Variants in ITPRID2 observed in about 807,000 individuals in gnomAD.
ITPRID2 encodes protein ITPRID2.
ITPRID2 carries 60 observed loss-of-function variants against 124.3 expected under a neutral mutation model. The observed-to-expected ratio is 0.48, with a 90% confidence interval of 0.39 to 0.60. The LOEUF (loss-of-function observed/expected upper bound fraction) is 0.60. ITPRID2 is among the 20% of genes least tolerant of loss of function. The pLI is 0.00. For missense variants in ITPRID2, 1,553 were observed against 1,512.2 expected, an observed-to-expected ratio of 1.03 and a Z score of -0.45; for synonymous variants, 521 against 542.9, an observed-to-expected ratio of 0.96 and a Z score of 0.56.
rs1693471095 is a variant in ITPRID2, at chr2:181,909,958, G to GAAGTCGAAAAGAGGT, written c.1478_1486+6dup. ...CAGCCACTTACCAGCTAGGTCTTAC[G>GAAGTCGAAAAGAGGT]AAGTCGAAAAGAGGTAAGTGGACCA... On this transcript the variant is annotated inframe_insertion, in exon 9 of 18. Coordinates refer to ENST00000431877, the MANE Select transcript of ITPRID2 (RefSeq NM_001130445.3). 1 of 1,612,780 alleles carries GAAGTCGAAAAGAGGT rather than the reference G, an allele frequency of 6.2e-7. No individual in the cohort carries two copies. The highest frequency in any genetic ancestry group is 1.3e-5 in the African/African-American group (1 of 74,952).
In ITPRID2 at chr2:181,911,106, G is replaced by T. The variant is rs920429453; in HGVS notation, c.1486+1135G>T. On this transcript the variant is annotated intron_variant, in intron 9 of 17. Transcript: ENST00000431877. The stretch of plus-strand genomic sequence containing the variant: ...TTAGATGTGGTTTATATTCATATCT[G>T]GGTTTTTTCCTTTTCTTAGTCAGAT... 2.6e-5 allele frequency among the ~76,000 whole-genome samples: 4 copies of T among 152,124 alleles called. No individual in the cohort carries two copies. The South Asian group carries it at 6.2e-4, about 24-fold the overall frequency.
rs760181855 is a variant in ITPRID2, at chr2:181,902,087, A to G, written c.1034A>G (p.Lys345Arg). 21 of 1,610,620 alleles carry G rather than the reference A, an allele frequency of 1.3e-5. No homozygotes were observed. The African/African-American group carries it at 2.7e-4, about 21-fold the overall frequency. ...AATAAAAACGATCAAAAGTCTCAAA[A>G]AATTATGAAGAAGAAAGAGTCATCT... is the stretch of plus-strand genomic sequence containing the variant. ...SGNKNDQKSQ[K>R]IMKKKESSSM... is the part of the protein sequence containing the mutation. Residue 345 changes from lysine (K) to arginine (R), a missense_variant, in exon 8 of 18, where the codon AAA becomes AGA. Coordinates refer to ENST00000431877, the MANE Select transcript of ITPRID2 (RefSeq NM_001130445.3). This position sits in a 1 kb window ranked among gnomAD's most constrained non-coding sequence, Gnocchi z 4.4.
Position 181,892,637 on chromosome 2 carries a change from C to T in ITPRID2, c.234C>T (p.Ile78=). The change falls in exon 2 of 18, where the codon ATC becomes ATT. Residue 78 remains isoleucine, a synonymous_variant. Coordinates refer to ENST00000431877, the MANE Select transcript of ITPRID2 (RefSeq NM_001130445.3). This position sits in a 1 kb window ranked among gnomAD's most constrained non-coding sequence, Gnocchi z 5.2. The part of the protein sequence containing the change: ...GGRGNVPNEK[I]AIWLKDCRTP... ...CAGGAAACGTGCCCAACGAGAAGAT[C>T]GCGATATGGCTCAAGGACTGCCGGT... 1 of 1,614,142 alleles carries T rather than the reference C, an allele frequency of 6.2e-7. No individual in the cohort carries two copies. The highest frequency in any genetic ancestry group is 1.7e-5 in the Admixed American group (1 of 60,028).
chr2:181,924,270 CA>C (rs1227261924), intron 16 of ITPRID2, among the ~76,000 whole-genome samples: 1 of 151,996 alleles, frequency 6.6e-6, no homozygotes, highest in African/African-American at 2.4e-5. Context: ...AGTTTAATGC[CA>C]GTTATAATTT....
chr2:181,902,512 A>C lies in ITPRID2; in HGVS notation c.1413+46A>C. 1 of 1,363,526 alleles carries C rather than the reference A, an allele frequency of 7.3e-7. No individual in the cohort carries two copies. The highest frequency in any genetic ancestry group is 1.5e-5 in the South Asian group (1 of 65,050). The allele number at this position is 1,363,526 out of a possible 1,614,324, so 84.5% of individuals were successfully genotyped here. On this transcript the variant is annotated intron_variant, in intron 8 of 17. Coordinates refer to ENST00000431877, the MANE Select transcript of ITPRID2 (RefSeq NM_001130445.3). The surrounding 1 kb of genome is among the most constrained non-coding windows in gnomAD (Gnocchi z 4.4). Reference sequence around the variant, plus strand: ...ACTGGTTTCAAGTTGCAGACTAGGAAAAAAAGTACCAAAAATGCTTATAAA... The same window carrying C: ...ACTGGTTTCAAGTTGCAGACTAGGACAAAAAGTACCAAAAATGCTTATAAA...
Position 181,892,041 on chromosome 2 carries a change from G to A in ITPRID2, c.-26G>A. The A allele has an allele frequency of 6.5e-7, 1 of 1,546,256 alleles. No homozygotes were observed. Among genetic ancestry groups the A allele is most frequent in the Non-Finnish European group, 8.7e-7 (1 of 1,145,624 alleles). On this transcript the variant is annotated 5_prime_UTR_variant, in exon 1 of 18. Transcript: ENST00000431877. The surrounding 1 kb of genome is among the most constrained non-coding windows in gnomAD (Gnocchi z 5.2). ...GCCTTGTCTCGCGCAGGGTCCGGCT[G>A]GGGTAGCGGAGCCCCCAGTGCGGCC... is the stretch of plus-strand genomic sequence containing the variant.
At chr2:181,894,770 G>A (rs1692051754) in intron 2 of ITPRID2, 1 of 152,028 alleles carries the variant, frequency 6.6e-6, no homozygotes, top group Admixed American at 6.6e-5. Context: ...TTTAAGAAAT[G>A]GTAGAGATTT....
chr2:181,900,307 T>C (rs954938361), intron 6 of ITPRID2, among the ~76,000 whole-genome samples: 2 of 152,218 alleles, frequency 1.3e-5, no homozygotes, highest in African/African-American at 4.8e-5. Flanking sequence ...AAAATGTCCC[T>C]CAGTTCCTTT....
rs375108683 is a variant in ITPRID2 at position 181,916,199 on chromosome 2, G to A, written c.2559G>A (p.Trp853Ter). 79 of 1,614,042 alleles carry A rather than the reference G, an allele frequency of 4.9e-5. No individual in the cohort carries two copies. Among genetic ancestry groups the A allele is most frequent in the Non-Finnish European group, 6.4e-5 (76 of 1,180,054 alleles). Residue 853 changes from tryptophan (W) to a stop codon, truncating the protein, a stop_gained, in exon 11 of 18, where the codon TGG becomes TGA. Coordinates refer to ENST00000431877, the MANE Select transcript of ITPRID2 (RefSeq NM_001130445.3). LOFTEE classifies it high-confidence loss of function. The stretch of plus-strand genomic sequence containing the variant: ...CCCTTCATTCCATCCACTCTGAGTG[G>A]CAAGAAAGGCCCCTGTGTGAGCACA... The part of the protein sequence containing the change: ...TCSLHSIHSE[W>*]QERPLCEHTR...
intron 7 of ITPRID2, 41 bp downstream of exon 7, chr2:181,900,945 A>G (rs771351992): frequency 6.8e-7 from 1 of 1,464,710 alleles, no homozygotes; most frequent in Non-Finnish European, 9.3e-7. Flanking sequence ...TTCTTAAATT[A>G]TAGCATCTAC....
chr2:181,911,174 A>G (rs1207638648), intron 9 of ITPRID2, among the ~76,000 whole-genome samples: 3 of 152,320 alleles, frequency 2.0e-5, no homozygotes, highest in South Asian at 4.1e-4. Flanking sequence ...GTCTGTGTGC[A>G]TGAGAGAGAA....
chr2:181,902,288 T>C lies in ITPRID2; in HGVS notation c.1235T>C (p.Ile412Thr), dbSNP rs941343670. ...HESKLGEESG[I>T]VESKLDSDFN... is the part of the protein sequence containing the mutation. ...AGTAAACTGGGTGAGGAATCTGGTA[T>C]TGTAGAATCCAAATTAGATAGTGAT... Residue 412 changes from isoleucine to threonine, a missense_variant, in exon 8 of 18, where the codon ATT becomes ACT. Coordinates refer to ENST00000431877, the MANE Select transcript of ITPRID2 (RefSeq NM_001130445.3). The surrounding 1 kb of genome is among the most constrained non-coding windows in gnomAD (Gnocchi z 4.4). The C allele has an allele frequency of 6.2e-7, 1 of 1,613,924 alleles. No homozygotes were observed. The highest frequency in any genetic ancestry group is 1.1e-5 in the South Asian group (1 of 91,042).
rs764775406 is a variant in ITPRID2, at chr2:181,913,829, A to AT, written c.1487-9dup. Reference sequence around the variant, plus strand: ...TAGATCATCTGTTTCTTATAGCCACATTTTTTTATTCATAGATCATCTGTT... The same window carrying AT: ...TAGATCATCTGTTTCTTATAGCCACATTTTTTTTATTCATAGATCATCTGTT... On this transcript the variant is annotated splice_polypyrimidine_tract_variant and intron_variant, in intron 9 of 17. Transcript: ENST00000431877. 5 of 1,593,846 alleles carry AT rather than the reference A, an allele frequency of 3.1e-6. No homozygotes were observed. The highest frequency in any genetic ancestry group is 4.3e-6 in the Non-Finnish European group (5 of 1,170,922).
At chr2:181,924,422 A>T (rs1261948937) in intron 16 of ITPRID2, among the ~76,000 whole-genome samples, 2 of 152,206 alleles carry the variant, frequency 1.3e-5, no homozygotes, top group East Asian at 1.9e-4. Context: ...CCAATTTTTT[A>T]AAATCTTGGT....
Position 181,906,149 on chromosome 2 carries a change from ACTTTATTCATTTTCTAGTTTCTTCC to A in ITPRID2, c.1413+3689_1413+3713del, listed in dbSNP as rs373804596. Reference sequence around the variant, plus strand: ...ATCATAAACTAGTACGGAAAGAGATACTTTATTCATTTTCTAGTTTCTTCCCTTTACAAATGAGGAAGCATCCCCT... The same window carrying A: ...ATCATAAACTAGTACGGAAAGAGATACTTTACAAATGAGGAAGCATCCCCT... On this transcript the variant is annotated intron_variant, in intron 8 of 17. Coordinates refer to ENST00000431877, the MANE Select transcript of ITPRID2 (RefSeq NM_001130445.3). Among the ~76,000 whole-genome samples the A allele has an allele frequency of 7.1e-3, 1,081 of 152,334 alleles. 8 individuals carry two copies. Among genetic ancestry groups the A allele is most frequent in the South Asian group, 0.021 (101 of 4,830 alleles).
Position 181,916,100 on chromosome 2 carries a change from G to A in ITPRID2, c.2460G>A (p.Val820=), listed in dbSNP as rs768608763. The A allele has an allele frequency of 3.1e-6, 5 of 1,614,064 alleles. No homozygotes were observed. The highest frequency in any genetic ancestry group is 4.2e-6 in the Non-Finnish European group (5 of 1,180,044). The change falls in exon 11 of 18, where the codon GTG becomes GTA. Residue 820 remains valine (V), a synonymous_variant. Transcript: ENST00000431877. The part of the protein sequence containing the change: ...EEAPQSEAPR[V]EECHHGRTPT... ...CCCCCCAGAGTGAGGCGCCGCGGGT[G>A]GAGGAATGCCATCATGGAAGGACTC...
chr2:181,902,185 A>G lies in ITPRID2; in HGVS notation c.1132A>G (p.Arg378Gly), dbSNP rs1270367912. ...TGTTACGGAGAATGCTGATAGTGAT[A>G]GAATTTCTGATGAAGCAAATAGTAA... is the stretch of plus-strand genomic sequence containing the variant. The part of the protein sequence containing the change: ...AAVTENADSD[R>G]ISDEANSNFN... Residue 378 changes from arginine to glycine, a missense_variant, in exon 8 of 18, where the codon AGA becomes GGA. Coordinates refer to ENST00000431877, the MANE Select transcript of ITPRID2 (RefSeq NM_001130445.3). This position sits in a 1 kb window ranked among gnomAD's most constrained non-coding sequence, Gnocchi z 4.4. 2.5e-6 allele frequency: 4 copies of G among 1,613,782 alleles called. No individual in the cohort carries two copies. The South Asian group carries it at 4.4e-5, about 18-fold the overall frequency.
At position 181,899,073 on chromosome 2, in the gene ITPRID2, A is replaced by C; in HGVS notation, c.464A>C (p.Asn155Thr). 6.2e-7 allele frequency: 1 copy of C among 1,610,782 alleles called. No individual in the cohort carries two copies. The highest frequency in any genetic ancestry group is 8.5e-7 in the Non-Finnish European group (1 of 1,179,026). ...LQFHQKGRSMNSTGSGKSSGT... is the reference protein window; with the variant it reads ...LQFHQKGRSMTSTGSGKSSGT... ...TTTCATCAGAAAGGGAGAAGTATGAATTCCACTGGATCTGGGAAAAGTAGT... is the reference window on the plus strand; with the variant it reads ...TTTCATCAGAAAGGGAGAAGTATGACTTCCACTGGATCTGGGAAAAGTAGT... Residue 155 changes from asparagine (N) to threonine (T), a missense_variant, in exon 6 of 18, where the codon AAT (asparagine) becomes ACT (threonine). By Grantham distance (65) the Asn-to-Thr change is moderately conservative. Transcript: ENST00000431877.
chr2:181,901,472 C>A (rs1317607970), intron 7 of ITPRID2, among the ~76,000 whole-genome samples: 1 of 152,156 alleles, frequency 6.6e-6, no homozygotes, highest in African/African-American at 2.4e-5. Context: ...AATAGAATCA[C>A]AACTGTAGAT....
Sources: gnomAD v4.1 joint callset for allele counts (sites outside exome capture counted in the v4.1 genomes callset) on GRCh38, gnomAD v4.1.1 for gene constraint, Gnocchi (gnomAD v3.1) non-coding constraint, MANE v1.5 for transcripts, NCBI Gene and HGNC (gene_info 2026-07-23, HGNC 2026-07-21) for gene names.